The following SOX6 variants were observed in gnomAD, a reference collection of about 807,000 sequenced individuals.
SOX6 encodes transcription factor SOX-6.
Under a neutral mutation model 97.8 loss-of-function variants are expected in SOX6, and 11 were observed. The ratio of observed to expected loss-of-function variants is 0.11; its 90% CI spans 0.07 to 0.19. The LOEUF is 0.19. Among genes scored for constraint, SOX6 ranks in the 10% least tolerant of loss-of-function variants. SOX6 has a pLI of 1.00. For synonymous variants in SOX6, 360 were observed against 371.4 expected (o/e 0.97, Z 0.35); for missense variants, 810 against 1,039.5 (o/e 0.78, Z 3.04).
intron 1 of SOX6, among the ~76,000 whole-genome samples, chr11:16,349,592 G>A (rs1348446606): frequency 1.3e-5 from 2 of 150,440 alleles, no homozygotes; most frequent in Non-Finnish European, 3.0e-5. Context: ...CTCTAGCCTG[G>A]GTGACAGAGC....
At chr11:16,187,089 G>T (rs1851499674) in intron 4 of SOX6, 134 bp from the exon 5 acceptor site, 3 of 931,552 alleles carry the variant, frequency 3.2e-6, no homozygotes, top group Non-Finnish European at 5.1e-6. Context: ...GGCCATTGAG[G>T]GTACAGGAAC....
chr11:16,061,466 C>A (rs1847951982), intron 9 of SOX6, among the ~76,000 whole-genome samples: 1 of 151,570 alleles, frequency 6.6e-6, no homozygotes, highest in African/African-American at 2.4e-5. Flanking sequence ...GACCATACTG[C>A]CCCCAAAGAA....
chr11:16,395,404 A>C (rs1858322859), intron 1 of SOX6, among the ~76,000 whole-genome samples: 1 of 151,842 alleles, frequency 6.6e-6, no homozygotes, highest in East Asian at 1.9e-4. Context: ...GGACCTGAAG[A>C]ATGAATAGGA....
chr11:16,403,790 G>A (rs1280461285), intron 1 of SOX6, among the ~76,000 whole-genome samples: 1 of 151,602 alleles, frequency 6.6e-6, no homozygotes, highest in African/African-American at 2.4e-5. Context: ...TCAAGCACAT[G>A]TAAAAAGGCA....
chr11:16,727,391 A>T (rs910999423), intron 2 of SOX6, among the ~76,000 whole-genome samples: 33 of 146,278 alleles, frequency 2.3e-4, no homozygotes, highest in African/African-American at 8.2e-4. Context: ...GTATGGATGT[A>T]ACATAATTTA....
chr11:16,503,914 G>C (rs1224792184), intron 4 of SOX6, among the ~76,000 whole-genome samples: 1 of 152,090 alleles, frequency 6.6e-6, no homozygotes, highest in South Asian at 2.1e-4. Context: ...ATGGTGGTGG[G>C]TGCCTGTAGT....
At chr11:16,074,548 C>T (rs1009356751) in intron 9 of SOX6, among the ~76,000 whole-genome samples, 6 of 152,076 alleles carry the variant, frequency 3.9e-5, no homozygotes, top group Non-Finnish European at 7.4e-5. Context: ...TCTACTGAAA[C>T]TATTTCTATA....
intron 1 of SOX6, among the ~76,000 whole-genome samples, chr11:16,429,270 T>C (rs1453323007): frequency 6.6e-6 from 1 of 152,156 alleles, no homozygotes; most frequent in African/African-American, 2.4e-5. Context: ...AGTGTGACAA[T>C]TCCTCAAAGA....
At chr11:16,207,243 T>C (rs1047923212) in intron 4 of SOX6, among the ~76,000 whole-genome samples, 1 of 152,116 alleles carries the variant, frequency 6.6e-6, no homozygotes, top group African/African-American at 2.4e-5. Flanking sequence ...AATAGAAGAA[T>C]GTATAAACAA....
At chr11:16,333,822 A>G (rs1856381254) in intron 2 of SOX6, among the ~76,000 whole-genome samples, 1 of 152,330 alleles carries the variant, frequency 6.6e-6, no homozygotes, top group South Asian at 2.1e-4. Flanking sequence ...TTGGTCATAT[A>G]GAAGTATTTG....
chr11:16,633,805 A>G (rs1848746267), intron 3 of SOX6, among the ~76,000 whole-genome samples: 1 of 152,234 alleles, frequency 6.6e-6, no homozygotes, highest in African/African-American at 2.4e-5. Context: ...ACTAAAATCA[A>G]CCAGAAATGA....
intron 12 of SOX6, among the ~76,000 whole-genome samples, chr11:16,037,067 C>T (rs1456822643): frequency 6.6e-6 from 1 of 152,126 alleles, no homozygotes. Context: ...ATTTGTCCTA[C>T]AATCAAATGA....
At chr11:16,720,521 C>G (rs1471870355) in intron 2 of SOX6, among the ~76,000 whole-genome samples, 10 of 125,096 alleles carry the variant, frequency 8.0e-5, no homozygotes, top group African/African-American at 3.0e-4. Context: ...GGAAGGGGAA[C>G]ATCACACTCT....
At chr11:16,704,366 C>A (rs1350737070) in intron 3 of SOX6, among the ~76,000 whole-genome samples, 2 of 151,962 alleles carry the variant, frequency 1.3e-5, no homozygotes, top group Non-Finnish European at 2.9e-5. Context: ...ATGCAAAAGA[C>A]CAAATGGATA....
intron 12 of SOX6, among the ~76,000 whole-genome samples, chr11:16,041,520 C>T (rs185194252): frequency 6.0e-4 from 92 of 152,168 alleles, no homozygotes; most frequent in African/African-American, 2.0e-3. Context: ...TAAATGGGAA[C>T]AAGTTTACAA....
At chr11:16,540,577 G>A (rs1294989947) in intron 4 of SOX6, among the ~76,000 whole-genome samples, 1 of 151,074 alleles carries the variant, frequency 6.6e-6, no homozygotes, top group Non-Finnish European at 1.5e-5. Context: ...AAACCCCATT[G>A]TCTCAGACCA....
chr11:16,387,387 G>C (rs1019425770), intron 1 of SOX6, among the ~76,000 whole-genome samples: 2 of 152,010 alleles, frequency 1.3e-5, no homozygotes, highest in African/African-American at 4.8e-5. Context: ...TGCAAAAGAT[G>C]CAAGATTTCA....
chr11:16,014,806 A>G, intron 13 of SOX6, 136 bp downstream of exon 13: 1 of 776,648 alleles, frequency 1.3e-6, no homozygotes, highest in African/African-American at 1.7e-5. Context: ...GTAGTTGAAG[A>G]GTGACATTTC....
At chr11:16,123,265 T>A (rs1849536619) in intron 6 of SOX6, among the ~76,000 whole-genome samples, 1 of 152,030 alleles carries the variant, frequency 6.6e-6, no homozygotes, top group Non-Finnish European at 1.5e-5. Flanking sequence ...TGAATGAATG[T>A]CAGAAAAGCA....
Sources: gnomAD v4.1 joint callset for allele counts (sites outside exome capture counted in the v4.1 genomes callset) on GRCh38, gnomAD v4.1.1 for gene constraint, MANE v1.5 for transcripts, NCBI Gene and HGNC (gene_info 2026-07-23, HGNC 2026-07-21) for gene names.